The following CDC45 variants were observed in gnomAD, a reference collection of about 807,000 sequenced individuals.
CDC45 encodes the protein cell division control protein 45 homolog.
Under a neutral mutation model 77.8 loss-of-function variants are expected in CDC45, and 54 were observed. That is an observed-to-expected ratio of 0.69 (90% CI 0.56 to 0.87). CDC45 has a LOEUF of 0.87. Among genes scored for constraint, CDC45 ranks in the 40% least tolerant of loss-of-function variants. The pLI is 0.00. For synonymous variants in CDC45, 260 were observed against 272.1 expected, an observed-to-expected ratio of 0.96 and a Z score of 0.44; for missense variants, 649 against 721.6, an observed-to-expected ratio of 0.90 and a Z score of 1.15.
chr22:19,495,929 G>C, intron 6 of CDC45, 52 bp from the exon 7 acceptor site: 1 of 1,263,496 alleles, frequency 7.9e-7, no homozygotes, highest in South Asian at 1.2e-5. Flanking sequence ...AAAATATTTG[G>C]CTTCCTGTAC....
At chr22:19,499,018 G>C in intron 8 of CDC45, 83 bp from the exon 9 acceptor site, 1 of 1,449,338 alleles carries the variant, frequency 6.9e-7, no homozygotes, top group Non-Finnish European at 9.7e-7. Context: ...GCTTGGGCCC[G>C]TTCCATCATC....
chr22:19,481,081 T>A (rs371971624), intron 3 of CDC45, 36 bp downstream of exon 3: 35 of 1,314,510 alleles, frequency 2.7e-5, no homozygotes, highest in Non-Finnish European at 3.8e-5. Context: ...CGTGGCTTTT[T>A]ACTCAATTGT....
Position 19,507,803 on chromosome 22 carries a change from A to T in CDC45, c.994A>T (p.Met332Leu). ...GCAGGTGAAGCAGAAGTTCCAGGCC[A>T]TGGACATCTCCTTGAAGGAGAATTT... ...LKQVKQKFQA[M>L]DISLKENLRE... The change falls in exon 12 of 19, where the codon ATG (methionine) becomes TTG (leucine). Residue 332 changes from methionine (M) to leucine (L), a missense_variant. Physicochemically the swap from Met to Leu is conservative, Grantham distance 15. Coordinates refer to ENST00000263201, the MANE Select transcript of CDC45 (RefSeq NM_003504.5). The T allele has an allele frequency of 6.2e-7, 1 of 1,603,368 alleles. No individual in the cohort carries two copies.
chr22:19,518,988 T>TTGAGGGAGGA, intron 18 of CDC45, 79 bp downstream of exon 18: 1 of 1,068,270 alleles, frequency 9.4e-7, no homozygotes, highest in Non-Finnish European at 1.4e-6. Context: ...CTGTCCTCCC[T>TTGAGGGAGGA]CAACGGAGGC....
intron 13 of CDC45, among the ~76,000 whole-genome samples, chr22:19,514,062 C>T (rs1016290128): frequency 6.6e-6 from 1 of 152,208 alleles, no homozygotes; most frequent in African/African-American, 2.4e-5. Flanking sequence ...ACACATCTCT[C>T]TGAAGATACT....
chr22:19,516,330 G>A (rs1335321010), intron 15 of CDC45, 197 bp from the exon 16 acceptor site: 2 of 614,388 alleles, frequency 3.3e-6, no homozygotes, highest in Non-Finnish European at 5.8e-6. Flanking sequence ...TGTTTGGAGA[G>A]CTCCCTGGAC....
intron 9 of CDC45, among the ~76,000 whole-genome samples, chr22:19,503,376 A>G (rs561547089): frequency 6.6e-6 from 1 of 152,242 alleles, no homozygotes; most frequent in African/African-American, 2.4e-5. Flanking sequence ...AAAAATGCAG[A>G]CACTGATCAT....
chr22:19,484,905 G>A (rs973037311), intron 5 of CDC45, among the ~76,000 whole-genome samples: 1 of 151,120 alleles, frequency 6.6e-6, no homozygotes, highest in African/African-American at 2.4e-5. Context: ...CCAGCTCTTT[G>A]TTCTATTTTT....
intron 2 of CDC45, among the ~76,000 whole-genome samples, chr22:19,480,609 T>C (rs998849283): frequency 2.6e-5 from 4 of 152,136 alleles, no homozygotes; most frequent in Admixed American, 6.5e-5. Flanking sequence ...GCTGGGAATA[T>C]GGGAGCCCCT....
chr22:19,507,354 G>T, intron 10 of CDC45, 32 bp from the exon 11 acceptor site: 1 of 1,607,058 alleles, frequency 6.2e-7, no homozygotes, highest in Non-Finnish European at 8.5e-7. Flanking sequence ...GCGGCCAGTG[G>T]GTGCTTGCAT....
At chr22:19,517,847 G>A (rs1483676753) in intron 17 of CDC45, among the ~76,000 whole-genome samples, 1 of 152,236 alleles carries the variant, frequency 6.6e-6, no homozygotes, top group Non-Finnish European at 1.5e-5. Context: ...CTGGGGGTAA[G>A]GGCTTCAACA....
intron 5 of CDC45, among the ~76,000 whole-genome samples, chr22:19,484,592 C>T (rs1021781149): frequency 6.6e-6 from 1 of 152,166 alleles, no homozygotes; most frequent in Non-Finnish European, 1.5e-5. Flanking sequence ...CGGAGGGCCA[C>T]GTGATGCTTT....
intron 16 of CDC45, 78 bp from the exon 17 acceptor site, chr22:19,516,739 A>C: frequency 5.7e-6 from 5 of 875,946 alleles, no homozygotes; most frequent in Non-Finnish European, 8.4e-6. Context: ...ATTTGCCTCT[A>C]GTGTCTGTCC....
At chr22:19,495,242 A>G (rs1325011504) in intron 6 of CDC45, among the ~76,000 whole-genome samples, 1 of 152,248 alleles carries the variant, frequency 6.6e-6, no homozygotes, top group African/African-American at 2.4e-5. Flanking sequence ...TAATATAACC[A>G]TTTAAAATAG....
In CDC45 at chr22:19,507,834, A is replaced by G. The variant is rs1191261381; in HGVS notation, c.1025A>G (p.Glu342Gly). Residue 342 changes from glutamate to glycine, a missense_variant, in exon 12 of 19, where the codon GAA becomes GGA. Physicochemically the swap from Glu to Gly is moderately conservative, Grantham distance 98. Coordinates refer to ENST00000263201, the MANE Select transcript of CDC45 (RefSeq NM_003504.5). ...ATCTCCTTGAAGGAGAATTTGCGGG[A>G]AATGATTGAAGAGTCTGCAAATAAA... is the stretch of plus-strand genomic sequence containing the variant. ...MDISLKENLR[E>G]MIEESANKFG... The G allele has an allele frequency of 6.2e-7, 1 of 1,601,046 alleles. No individual in the cohort carries two copies. Among genetic ancestry groups the G allele is most frequent in the East Asian group, 2.2e-5 (1 of 44,806 alleles).
upstream of CDC45, chr22:19,479,818 C>T: frequency 1.3e-6 from 1 of 785,664 alleles, no homozygotes; most frequent in Non-Finnish European, 2.1e-6. Context: ...CCAATGTGGC[C>T]CAATCAGAAA....
In CDC45 at chr22:19,518,860, TG is replaced by T; in HGVS notation, c.1654del (p.Glu552ArgfsTer23). ...TTACTTCAGTAATTGAGCTGAAAGC[TG>T]AGGATCGGAGCAAGTTTCTGGACGC... is the stretch of plus-strand genomic sequence containing the variant. ...FDLSVIELKA[E>X]DRSKFLDALI... is the part of the protein sequence containing the mutation. On this transcript the variant is annotated frameshift_variant, in exon 18 of 19. Coordinates refer to ENST00000263201, the MANE Select transcript of CDC45 (RefSeq NM_003504.5). LOFTEE classifies it high-confidence loss of function. 6.2e-7 allele frequency: 1 copy of T among 1,614,110 alleles called. No individual in the cohort carries two copies. Among genetic ancestry groups the T allele is most frequent in the Non-Finnish European group, 8.5e-7 (1 of 1,179,970 alleles).
In CDC45 at chr22:19,505,172, T is replaced by C. The variant is rs1044512475; in HGVS notation, c.705-190T>C. On this transcript the variant is annotated intron_variant, in intron 9 of 18. Transcript: ENST00000263201. ...AAGGCTAGAGACCACACCCCCCCGC[T>C]CCATCCAATCATGTTTTCCTGGGTG... is the stretch of plus-strand genomic sequence containing the variant. 18 of 630,384 alleles carry C rather than the reference T, an allele frequency of 2.9e-5. No homozygotes were observed. In the Admixed American group the frequency reaches 4.9e-4, roughly 17 times the overall value. The allele number at this position is 630,384 out of a possible 1,614,324, so 39.0% of individuals were successfully genotyped here.
chr22:19,479,515 A>G (rs1054632881), upstream of CDC45: 1 of 572,354 alleles, frequency 1.7e-6, no homozygotes, highest in African/African-American at 1.9e-5. Flanking sequence ...CTAAGCTACA[A>G]ATCCTTCTTC....
Sources: allele counts gnomAD v4.1 joint callset (sites outside exome capture counted in the v4.1 genomes callset), GRCh38; gene constraint gnomAD v4.1.1; transcripts MANE v1.5; gene names NCBI Gene and HGNC (gene_info 2026-07-23, HGNC 2026-07-21).